Variants in TGFB2 observed in about 807,000 individuals in gnomAD.
The protein encoded by TGFB2 is transforming growth factor beta 2, also known as transforming growth factor beta-2 proprotein.
In TGFB2, 13 loss-of-function variants were observed where a neutral mutation model predicts 42.7. The ratio of observed to expected loss-of-function variants is 0.30; its 90% CI spans 0.20 to 0.48. The LOEUF is 0.48. TGFB2 is among the 20% of genes least tolerant of loss of function. The probability of loss-of-function intolerance (pLI) is 0.99; values close to 1 mark genes in which losing one functional copy is unlikely to be tolerated. For missense variants in TGFB2, 390 were observed against 517.5 expected, an observed-to-expected ratio of 0.75 and a Z score of 2.39; for synonymous variants, 193 against 193.6, an observed-to-expected ratio of 1.00 and a Z score of 0.03.
At chr1:218,400,685 A>G (rs989634043) in intron 1 of TGFB2, among the ~76,000 whole-genome samples, 2 of 152,162 alleles carry the variant, frequency 1.3e-5, no homozygotes, top group Admixed American at 1.3e-4. Flanking sequence ...TAAAAAAAGG[A>G]GTGGGTGAGA....
intron 1 of TGFB2, among the ~76,000 whole-genome samples, chr1:218,393,207 G>A (rs1403678689): frequency 6.6e-6 from 1 of 152,204 alleles, no homozygotes; most frequent in Non-Finnish European, 1.5e-5. Context: ...GAATGTTGGC[G>A]TTTATTTGTT....
chr1:218,373,801 A>G (rs1276763881), intron 1 of TGFB2, among the ~76,000 whole-genome samples: 2 of 152,206 alleles, frequency 1.3e-5, no homozygotes, highest in East Asian at 3.9e-4. Flanking sequence ...GTGTCAGGGC[A>G]TCATTCTCTT....
chr1:218,419,521 C>T (rs1221468347), intron 2 of TGFB2, among the ~76,000 whole-genome samples: 1 of 152,136 alleles, frequency 6.6e-6, no homozygotes, highest in Non-Finnish European at 1.5e-5. Flanking sequence ...AATCTTATCT[C>T]TACCTCTAGC....
intron 1 of TGFB2, among the ~76,000 whole-genome samples, chr1:218,387,999 T>C (rs1165696307): frequency 6.6e-6 from 1 of 151,890 alleles, no homozygotes; most frequent in African/African-American, 2.4e-5. Context: ...GGAAGGCCCA[T>C]AGACAGCAAG....
At chr1:218,383,813 G>A (rs953261808) in intron 1 of TGFB2, among the ~76,000 whole-genome samples, 4 of 152,214 alleles carry the variant, frequency 2.6e-5, no homozygotes, top group African/African-American at 9.6e-5. Flanking sequence ...TCCATGAAAG[G>A]CATTTTAGAC....
intron 1 of TGFB2, among the ~76,000 whole-genome samples, chr1:218,352,898 T>C (rs1326554835): frequency 6.6e-6 from 1 of 152,224 alleles, no homozygotes; most frequent in Non-Finnish European, 1.5e-5. Context: ...CCTCAGTTTC[T>C]TCCCTTGTAA....
At chr1:218,419,761 A>G (rs886463490) in intron 2 of TGFB2, among the ~76,000 whole-genome samples, 1 of 152,240 alleles carries the variant, frequency 6.6e-6, no homozygotes, top group South Asian at 2.1e-4. Context: ...AGAAATGTAT[A>G]TAACTATGCA....
At chr1:218,415,699 GA>G (rs1174137652) in intron 2 of TGFB2, among the ~76,000 whole-genome samples, 231 of 61,640 alleles carry the variant, frequency 3.7e-3, no homozygotes, top group Middle Eastern at 0.019. Flanking sequence ...TGTCTCAAAA[GA>G]AAAAAAAAAA....
intron 1 of TGFB2, among the ~76,000 whole-genome samples, chr1:218,395,407 AT>A (rs1658470808): frequency 6.6e-6 from 1 of 152,018 alleles, no homozygotes; most frequent in Non-Finnish European, 1.5e-5. Context: ...TTGTTATTTT[AT>A]TTGTATTTTG....
intron 2 of TGFB2, among the ~76,000 whole-genome samples, chr1:218,426,304 T>G (rs193077882): frequency 6.6e-6 from 1 of 152,350 alleles, no homozygotes; most frequent in Admixed American, 6.5e-5. Context: ...AGTCCTGAGT[T>G]GTTTTACAGC....
intron 1 of TGFB2, among the ~76,000 whole-genome samples, chr1:218,379,031 A>G (rs989166984): frequency 2.0e-5 from 3 of 152,122 alleles, no homozygotes; most frequent in African/African-American, 7.2e-5. Context: ...AGCAGTCCTT[A>G]AAACATGACC....
intron 4 of TGFB2, 50 bp downstream of exon 4, chr1:218,434,498 A>G: frequency 2.6e-6 from 3 of 1,164,954 alleles, no homozygotes; most frequent in South Asian, 1.3e-5. Flanking sequence ...GTCTATATTG[A>G]TAATCTCATG....
intron 1 of TGFB2, among the ~76,000 whole-genome samples, chr1:218,367,989 G>A (rs540659075): frequency 1.3e-5 from 2 of 152,104 alleles, no homozygotes; most frequent in East Asian, 3.9e-4. Context: ...TTTTAGTAGC[G>A]ACAGGGTCTC....
Position 218,406,658 on chromosome 1 carries a change from G to A in TGFB2, c.510+1326G>A, listed in dbSNP as rs141765531. On this transcript the variant is annotated intron_variant, in intron 2 of 6. Transcript: ENST00000366930. ...TGACATTTTGATGAGGCCTTGAGACGTATCTATTAAAACCTGATGGGGGAT... is the reference window on the plus strand; with the variant it reads ...TGACATTTTGATGAGGCCTTGAGACATATCTATTAAAACCTGATGGGGGAT... 2.4e-4 allele frequency among the ~76,000 whole-genome samples: 36 copies of A among 152,218 alleles called. No individual in the cohort carries two copies. The South Asian group carries it at 6.6e-3, about 28-fold the overall frequency.
intron 1 of TGFB2, among the ~76,000 whole-genome samples, chr1:218,375,394 T>C (rs1657706830): frequency 3.5e-5 from 5 of 143,268 alleles, no homozygotes. Flanking sequence ...GAAAGTCAGT[T>C]ACCCTTTCTG....
intron 1 of TGFB2, among the ~76,000 whole-genome samples, chr1:218,369,757 G>T (rs887215904): frequency 1.3e-5 from 2 of 152,120 alleles, no homozygotes; most frequent in South Asian, 2.1e-4. Flanking sequence ...TGCCTTTTCC[G>T]GTGTGAAATA....
At position 218,443,470 on chromosome 1, in the gene TGFB2, G is replaced by A. The variant is rs184256338; in HGVS notation, c.*2108G>A. 1.8e-4 allele frequency: 28 copies of A among 152,294 alleles called. 1 individual carries two copies. The highest frequency in any genetic ancestry group is 3.4e-4 in the Non-Finnish European group (23 of 68,004). 9.4% of individuals were successfully genotyped at this position (152,294 alleles called of 1,614,324 possible). A position where few individuals can be genotyped will look rare whatever the true frequency, so the allele number is the denominator to read the frequency against. ...ATTTGCAAGTTTGAAAACTGGAAAA[G>A]CAAGAGATGGGATGCCATAATAGTA... On this transcript the variant is annotated 3_prime_UTR_variant, in exon 7 of 7. Coordinates refer to ENST00000366930, the MANE Select transcript of TGFB2 (RefSeq NM_003238.6).
intron 2 of TGFB2, among the ~76,000 whole-genome samples, chr1:218,432,885 C>T (rs1226171374): frequency 1.3e-5 from 2 of 152,148 alleles, no homozygotes; most frequent in African/African-American, 2.4e-5. Context: ...TACAGGGTTT[C>T]AGTAGGGATT....
rs529765971 is a variant in TGFB2, at chr1:218,391,284, G to A, written c.347-13885G>A. 2.0e-5 allele frequency among the ~76,000 whole-genome samples: 3 copies of A among 152,250 alleles called. No homozygotes were observed. In the East Asian group the frequency reaches 5.8e-4, roughly 29 times the overall value. On this transcript the variant is annotated intron_variant, in intron 1 of 6. Coordinates refer to ENST00000366930, the MANE Select transcript of TGFB2 (RefSeq NM_003238.6). The stretch of plus-strand genomic sequence containing the variant: ...CCCCCTTGAAGAAGATGTGCTGCTG[G>A]GCAAACTGGAAGACTCACTGTGGTG...
Sources: allele counts gnomAD v4.1 joint callset (sites outside exome capture counted in the v4.1 genomes callset), GRCh38; gene constraint gnomAD v4.1.1; transcripts MANE v1.5; gene names NCBI Gene and HGNC (gene_info 2026-07-23, HGNC 2026-07-21).